OGDHL: variants seen among roughly 807,000 people sequenced by gnomAD.
OGDHL encodes oxoglutarate dehydrogenase L, also known as 2-oxoglutarate dehydrogenase-like, mitochondrial.
A neutral mutation model predicts 109.6 loss-of-function variants in OGDHL; 79 were observed. That is an observed-to-expected ratio of 0.72 (90% CI 0.60 to 0.87). OGDHL has a LOEUF of 0.87. Among genes scored for constraint, OGDHL ranks in the 40% least tolerant of loss-of-function variants. The probability of loss-of-function intolerance (pLI) is 0.00; values close to 1 mark genes in which losing one functional copy is unlikely to be tolerated. For missense variants in OGDHL, 1,275 were observed against 1,362.2 expected (o/e 0.94, Z 1.01); for synonymous variants, 528 against 537.2 (o/e 0.98, Z 0.24).
intron 1 of OGDHL, 35 bp from the exon 2 acceptor site, chr10:49,758,628 C>T (rs755059120): frequency 1.4e-5 from 22 of 1,604,096 alleles, no homozygotes; most frequent in Non-Finnish European, 1.9e-5. Flanking sequence ...GCATAAATGG[C>T]AGGACCAAGA....
chr10:49,758,135 G>A (rs758992136), intron 2 of OGDHL, among the ~76,000 whole-genome samples: 2 of 152,228 alleles, frequency 1.3e-5, no homozygotes, highest in African/African-American at 4.8e-5. Flanking sequence ...AGCATAGCAC[G>A]ACAAAGGGGG....
chr10:49,754,733 T>C (rs1842817156), intron 3 of OGDHL, among the ~76,000 whole-genome samples: 1 of 150,206 alleles, frequency 6.7e-6, no homozygotes, highest in South Asian at 2.1e-4. Flanking sequence ...ATTGTCAAAG[T>C]ACAGAAATTA....
At chr10:49,755,751 C>A (rs938314697) in intron 3 of OGDHL, among the ~76,000 whole-genome samples, 1 of 152,192 alleles carries the variant, frequency 6.6e-6, no homozygotes, top group African/African-American at 2.4e-5. Context: ...GAACAAAGAG[C>A]TACTGAAGGG....
In OGDHL at chr10:49,747,187, G is replaced by A. The variant is rs1842257240; in HGVS notation, c.1009C>T (p.His337Tyr). Residue 337 changes from histidine (H) to tyrosine (Y), a missense_variant, in exon 9 of 23, where the codon CAC becomes TAC. Physicochemically the swap from His to Tyr is moderately conservative, Grantham distance 83. Transcript: ENST00000374103. The stretch of plus-strand genomic sequence containing the variant: ...ATCCTCTCATGGTACATGCCCAGGT[G>A]GTACTTGACATCCCCGGAGCCCTGA... The part of the protein sequence containing the change: ...ADEGSGDVKY[H>Y]LGMYHERINR... 10 of 1,614,122 alleles carry A rather than the reference G, an allele frequency of 6.2e-6. No homozygotes were observed. The highest frequency in any genetic ancestry group is 8.5e-6 in the Non-Finnish European group (10 of 1,179,956).
At chr10:49,746,519 C>T (rs1842196122) in intron 10 of OGDHL, among the ~76,000 whole-genome samples, 1 of 152,238 alleles carries the variant, frequency 6.6e-6, no homozygotes, top group South Asian at 2.1e-4. Flanking sequence ...CTCCATGAGG[C>T]ACTCGCTACA....
At chr10:49,754,517 T>C (rs1399895052) in intron 3 of OGDHL, among the ~76,000 whole-genome samples, 1 of 152,162 alleles carries the variant, frequency 6.6e-6, no homozygotes, top group Non-Finnish European at 1.5e-5. Flanking sequence ...AAACGGAAGT[T>C]TCTCCTGATA....
rs1026133373 is a variant in OGDHL at position 49,758,428 on chromosome 10, C to T, written c.165G>A (p.Met55Ile). Residue 55 changes from methionine to isoleucine, a missense_variant, in exon 2 of 23, where the codon ATG becomes ATA. Met to Ile is a conservative substitution (Grantham distance 10). Coordinates refer to ENST00000374103, the MANE Select transcript of OGDHL (RefSeq NM_018245.3). The part of the protein sequence containing the change: ...GGGGSSYMEE[M>I]YFAWLENPQS... ...GGGGGTTTTCCAACCAGGCGAAGTA[C>T]ATCTCCTCCATGTAACTGGAGCCGC... The T allele has an allele frequency of 6.2e-7, 1 of 1,613,780 alleles. No individual in the cohort carries two copies.
At chr10:49,754,366 A>G (rs1842790063) in intron 3 of OGDHL, among the ~76,000 whole-genome samples, 1 of 152,226 alleles carries the variant, frequency 6.6e-6, no homozygotes, top group Non-Finnish European at 1.5e-5. Flanking sequence ...CAAAAAAAAG[A>G]AGATAAACTT....
intron 14 of OGDHL, 92 bp from the exon 15 acceptor site, chr10:49,743,070 G>C: frequency 6.8e-7 from 1 of 1,466,720 alleles, no homozygotes; most frequent in Non-Finnish European, 9.1e-7. Flanking sequence ...CACAAAGCAG[G>C]GCAGCCATCT....
Position 49,743,673 on chromosome 10 carries a change from G to T in OGDHL, c.1861+321C>A, listed in dbSNP as rs930998479. On this transcript the variant is annotated intron_variant, in intron 14 of 22. Transcript: ENST00000374103. Reference sequence around the variant, plus strand: ...AGGCTGCGTTCCAGCCCCTGTATGGGAGCCCTTGCTTTCCTGCTCTTCTGC... The same window carrying T: ...AGGCTGCGTTCCAGCCCCTGTATGGTAGCCCTTGCTTTCCTGCTCTTCTGC... 2.6e-5 allele frequency: 6 copies of T among 229,920 alleles called. 1 individual carries two copies. The highest frequency in any genetic ancestry group is 1.7e-5 in the Non-Finnish European group (2 of 116,714). 14.2% of individuals were successfully genotyped at this position (229,920 alleles called of 1,614,324 possible).
At chr10:49,759,284 C>T (rs1843118466) in intron 1 of OGDHL, among the ~76,000 whole-genome samples, 1 of 151,962 alleles carries the variant, frequency 6.6e-6, no homozygotes, top group African/African-American at 2.4e-5. Flanking sequence ...GCAGGAAGGG[C>T]TAAGGTCTGG....
chr10:49,761,890 C>T (rs572228408), intron 1 of OGDHL, among the ~76,000 whole-genome samples: 2 of 152,226 alleles, frequency 1.3e-5, no homozygotes, highest in Admixed American at 1.3e-4. Context: ...ATCCCCCGCA[C>T]AGCCCTCGCA....
chr10:49,744,367 C>T (rs1157562727), intron 13 of OGDHL, among the ~76,000 whole-genome samples: 1 of 152,182 alleles, frequency 6.6e-6, no homozygotes, highest in Non-Finnish European at 1.5e-5. Context: ...CCCAGGGAGG[C>T]CCTCTGAGCA....
chr10:49,740,091 G>T (rs544719339), intron 16 of OGDHL, among the ~76,000 whole-genome samples: 1 of 152,140 alleles, frequency 6.6e-6, no homozygotes, highest in African/African-American at 2.4e-5. Context: ...GGTATCCTGG[G>T]GAGGCAACAG....
At chr10:49,739,421 A>G (rs1365108554) in intron 17 of OGDHL, 2 of 469,176 alleles carry the variant, frequency 4.3e-6, no homozygotes, top group South Asian at 4.9e-5. Flanking sequence ...AGAAGCATTG[A>G]ACAGTGCCTG....
chr10:49,737,590 A>G (rs1007706420), intron 20 of OGDHL, among the ~76,000 whole-genome samples, 196 bp downstream of exon 20: 4 of 152,098 alleles, frequency 2.6e-5, no homozygotes, highest in African/African-American at 9.7e-5. Context: ...GACGCAACCC[A>G]CATGACCTGA....
At chr10:49,749,853 C>A in intron 7 of OGDHL, 37 bp from the exon 8 acceptor site, 1 of 1,540,200 alleles carries the variant, frequency 6.5e-7, no homozygotes, top group Non-Finnish European at 8.8e-7. Context: ...CCTGGCAAAG[C>A]CCGCAGGCCT....
rs773474437 is a variant in OGDHL, at chr10:49,752,707, G to A, written c.409C>T (p.Leu137=). The A allele has an allele frequency of 3.2e-5, 52 of 1,614,056 alleles. No individual in the cohort carries two copies. The South Asian group carries it at 5.5e-4, about 17-fold the overall frequency. Reference sequence around the variant, plus strand: ...TCCAGGTCTGCATCCAGAATGCCCAGGGGGTCCAGCTGGGCCACATGGTGA... The same window carrying A: ...TCCAGGTCTGCATCCAGAATGCCCAAGGGGTCCAGCTGGGCCACATGGTGA... ...RGHHVAQLDP[L]GILDADLDSF... Residue 137 remains leucine (L), a synonymous_variant, in exon 4 of 23, where the codon CTG becomes TTG. Transcript: ENST00000374103.
chr10:49,752,612 A>G (rs1335820431), intron 4 of OGDHL, 26 bp downstream of exon 4: 1 of 1,598,136 alleles, frequency 6.3e-7, no homozygotes, highest in Admixed American at 1.7e-5. Flanking sequence ...CAGCACTGCC[A>G]TGGCCGTCCT....
Sources: gnomAD v4.1 joint callset for allele counts (sites outside exome capture counted in the v4.1 genomes callset) on GRCh38, gnomAD v4.1.1 for gene constraint, MANE v1.5 for transcripts, NCBI Gene and HGNC (gene_info 2026-07-23, HGNC 2026-07-21) for gene names.